MYO5A: variants seen among roughly 807,000 people sequenced by gnomAD.
MYO5A encodes unconventional myosin-Va.
A neutral mutation model predicts 249.7 loss-of-function variants in MYO5A; 98 were observed. That is an observed-to-expected ratio of 0.39 (90% CI 0.33 to 0.46). The LOEUF (loss-of-function observed/expected upper bound fraction) is 0.46. Ranked by LOEUF, MYO5A falls within the 20% of genes least tolerant of loss-of-function variation. MYO5A has a pLI of 0.98. For missense variants in MYO5A, 1,696 were observed against 2,308.8 expected, an observed-to-expected ratio of 0.73 and a Z score of 5.44; for synonymous variants, 778 against 810.6, an observed-to-expected ratio of 0.96 and a Z score of 0.68.
chr15:52,414,192 C>T (rs977283813), intron 5 of MYO5A, among the ~76,000 whole-genome samples: 1 of 152,094 alleles, frequency 6.6e-6, no homozygotes, highest in Non-Finnish European at 1.5e-5. Context: ...CTCAGGTTTC[C>T]CGTTTGTGTG....
chr15:52,309,227 A>G lies in MYO5A; in HGVS notation c.*4469T>C, dbSNP rs1324031416. Reference sequence around the variant, plus strand: ...TTTTGGTTGAGACAACCTGCTACCAATTAATGCCCAAACAGAGTATTGCAT... The same window carrying G: ...TTTTGGTTGAGACAACCTGCTACCAGTTAATGCCCAAACAGAGTATTGCAT... On this transcript the variant is annotated 3_prime_UTR_variant, in exon 42 of 42. Transcript: ENST00000399233. 2 of 152,264 alleles carry G rather than the reference A, an allele frequency of 1.3e-5. No homozygotes were observed. Among genetic ancestry groups the G allele is most frequent in the East Asian group, 1.9e-4 (1 of 5,202 alleles). The allele number at this position is 152,264 out of a possible 1,614,324, so 9.4% of individuals were successfully genotyped here.
At chr15:52,359,761 A>T (rs1037974948) in intron 25 of MYO5A, among the ~76,000 whole-genome samples, 2 of 152,240 alleles carry the variant, frequency 1.3e-5, no homozygotes, top group Admixed American at 6.5e-5. Context: ...TGTATTGACA[A>T]AAAAATGCAA....
At chr15:52,337,361 G>A (rs1048806683) in intron 33 of MYO5A, among the ~76,000 whole-genome samples, 1 of 152,196 alleles carries the variant, frequency 6.6e-6, no homozygotes, top group Non-Finnish European at 1.5e-5. Flanking sequence ...ACAACAGTAG[G>A]CTCAGTAACA....
rs751674916 is a variant in MYO5A at position 52,379,279 on chromosome 15, A to G, written c.2208+346T>C. On this transcript the variant is annotated intron_variant, in intron 18 of 41. Transcript: ENST00000399233. ...CGTCTTTAAAAAGTATTACTTTCCA[A>G]GTAAGACTATATTACCTGAGAACAA... Among the ~76,000 whole-genome samples, 54 of 152,236 alleles carry G rather than the reference A, an allele frequency of 3.5e-4. 1 individual carries two copies. Among genetic ancestry groups the G allele is most frequent in the Non-Finnish European group, 1.2e-4 (8 of 68,042 alleles).
chr15:52,478,693 A>C (rs969753635), intron 1 of MYO5A, among the ~76,000 whole-genome samples: 1 of 152,220 alleles, frequency 6.6e-6, no homozygotes, highest in African/African-American at 2.4e-5. Flanking sequence ...GTATTGCACT[A>C]AACACAATGA....
chr15:52,413,147 CAAAAAAA>C (rs767059579), intron 5 of MYO5A, among the ~76,000 whole-genome samples: 5 of 66,152 alleles, frequency 7.6e-5, no homozygotes, highest in East Asian at 4.4e-4. Context: ...AACTCTGTCT[CAAAAAAA>C]AAAAAAAAAA....
intron 1 of MYO5A, among the ~76,000 whole-genome samples, chr15:52,528,564 G>C (rs938687333): frequency 1.3e-5 from 2 of 152,224 alleles, no homozygotes; most frequent in African/African-American, 4.8e-5. Context: ...AGACCCCCGA[G>C]GCGGGCCACC....
chr15:52,384,025 G>A (rs2041872425), intron 15 of MYO5A, 136 bp downstream of exon 15: 1 of 997,140 alleles, frequency 1.0e-6, no homozygotes, highest in Non-Finnish European at 1.5e-6. Flanking sequence ...AGTGGATGGT[G>A]TCGTATGATC....
At chr15:52,407,907 A>T in intron 7 of MYO5A, 152 bp downstream of exon 7, 2 of 624,402 alleles carry the variant, frequency 3.2e-6, no homozygotes, top group Non-Finnish European at 5.7e-6. Context: ...CTCTACCCCT[A>T]TGGGTTATTT....
At chr15:52,360,784 C>T (rs2040481768) in intron 24 of MYO5A, among the ~76,000 whole-genome samples, 1 of 152,098 alleles carries the variant, frequency 6.6e-6, no homozygotes, top group Admixed American at 6.5e-5. Context: ...CAACGACACA[C>T]CCTTCCCTCC....
At chr15:52,432,278 T>C (rs2075558001) in intron 2 of MYO5A, among the ~76,000 whole-genome samples, 2 of 152,216 alleles carry the variant, frequency 1.3e-5, no homozygotes, top group Non-Finnish European at 2.9e-5. Flanking sequence ...GGGCAAATAT[T>C]AGCAGGAAAA....
At chr15:52,512,080 G>A (rs1443976925) in intron 1 of MYO5A, among the ~76,000 whole-genome samples, 9 of 151,252 alleles carry the variant, frequency 6.0e-5, no homozygotes, top group East Asian at 1.9e-4. Flanking sequence ...GGAGAATGGC[G>A]TGAACCCGGG....
intron 1 of MYO5A, among the ~76,000 whole-genome samples, chr15:52,506,796 C>G (rs1407138518): frequency 6.6e-6 from 1 of 151,434 alleles, no homozygotes; most frequent in Non-Finnish European, 1.5e-5. Context: ...GATTGTGCCA[C>G]TGCACTCCAG....
At chr15:52,497,123 G>T (rs181538914) in intron 1 of MYO5A, among the ~76,000 whole-genome samples, 4 of 152,060 alleles carry the variant, frequency 2.6e-5, no homozygotes, top group African/African-American at 9.7e-5. Context: ...CACCATGCCC[G>T]GCTAATTTTT....
In MYO5A at chr15:52,319,130, C is replaced by G; in HGVS notation, c.5164G>C (p.Gly1722Arg). Residue 1722 changes from glycine (G) to arginine (R), a missense_variant, in exon 39 of 42, where the codon GGG becomes CGG. By Grantham distance (125) the Gly-to-Arg change is moderately radical (BLOSUM62 -2). Transcript: ENST00000399233. ...AGAAGGTTGTTCAGGGTGATGGCCC[C>G]TATGATGTAGAACATCTGCTTGACC... ...QVVKQMFYIIGAITLNNLLLR... is the reference protein window; with the variant it reads ...QVVKQMFYIIRAITLNNLLLR... 1 of 1,614,202 alleles carries G rather than the reference C, an allele frequency of 6.2e-7. No individual in the cohort carries two copies. The highest frequency in any genetic ancestry group is 8.5e-7 in the Non-Finnish European group (1 of 1,180,026).
intron 2 of MYO5A, among the ~76,000 whole-genome samples, chr15:52,429,954 T>C (rs1473336817): frequency 6.6e-6 from 1 of 152,100 alleles, no homozygotes; most frequent in Non-Finnish European, 1.5e-5. Flanking sequence ...CAGCCAACCA[T>C]GAATATTGTC....
chr15:52,411,513 T>C (rs1280508089), intron 5 of MYO5A, among the ~76,000 whole-genome samples: 1 of 151,360 alleles, frequency 6.6e-6, no homozygotes, highest in South Asian at 2.1e-4. Flanking sequence ...GTAACTCGCT[T>C]CTATAAATTT....
chr15:52,325,239 C>T (rs2038539248), intron 36 of MYO5A, among the ~76,000 whole-genome samples: 1 of 152,102 alleles, frequency 6.6e-6, no homozygotes, highest in Non-Finnish European at 1.5e-5. Context: ...CTGACGTCTA[C>T]ACAAGTCAAA....
intron 28 of MYO5A, among the ~76,000 whole-genome samples, chr15:52,349,491 C>T (rs12324100): frequency 0.48 from 72,290 of 151,914 alleles, 21,056 homozygotes; most frequent in Non-Finnish European, 0.63. Flanking sequence ...CCGGGTCAGC[C>T]CATTAGGGTC....
Sources: allele counts gnomAD v4.1 joint callset (sites outside exome capture counted in the v4.1 genomes callset), GRCh38; gene constraint gnomAD v4.1.1; transcripts MANE v1.5; gene names NCBI Gene and HGNC (gene_info 2026-07-23, HGNC 2026-07-21).